Variants in RAB6A observed in about 807,000 individuals in gnomAD.
The protein encoded by RAB6A is ras-related protein Rab-6A.
Under a neutral mutation model 32.3 loss-of-function variants are expected in RAB6A, and 8 were observed. That is an observed-to-expected ratio of 0.25 (90% CI 0.15 to 0.45). The LOEUF (loss-of-function observed/expected upper bound fraction) is 0.45. RAB6A is among the 20% of genes least tolerant of loss of function. The pLI is 1.00. For synonymous variants in RAB6A, 73 were observed against 82.1 expected (o/e 0.89, Z 0.60); for missense variants, 104 against 249.4 (o/e 0.42, Z 3.93).
chr11:73,724,492 T>G (rs529111910), intron 2 of RAB6A, among the ~76,000 whole-genome samples: 17 of 149,974 alleles, frequency 1.1e-4, no homozygotes, highest in Admixed American at 6.0e-4. Flanking sequence ...TCGTTTTTTT[T>G]TTTTTTTTTT....
rs1246846148 is a variant in RAB6A, at chr11:73,704,326, TGA to T, written c.495+3092_495+3093del. 4 of 255,464 alleles carry T rather than the reference TGA, an allele frequency of 1.6e-5. No homozygotes were observed. The Admixed American group carries it at 1.6e-4, about 10-fold the overall frequency. The allele number at this position is 255,464 out of a possible 1,614,324, so 15.8% of individuals were successfully genotyped here. On this transcript the variant is annotated intron_variant, in intron 6 of 7. Coordinates refer to ENST00000336083, the MANE Select transcript of RAB6A (RefSeq NM_198896.2). ...TGAGCCTGAGAGGTCAAGGCTGCAA[TGA>T]GCTGTGATCATGCCACTGCACTCCA...
chr11:73,750,351 T>C (rs1946654416), intron 1 of RAB6A, among the ~76,000 whole-genome samples: 1 of 151,812 alleles, frequency 6.6e-6, no homozygotes, highest in Non-Finnish European at 1.5e-5. Flanking sequence ...TCCTTCCCTT[T>C]TTTTTTTTTT....
At chr11:73,759,815 T>C (rs968382733) in intron 1 of RAB6A, among the ~76,000 whole-genome samples, 6 of 152,126 alleles carry the variant, frequency 3.9e-5, no homozygotes, top group African/African-American at 1.4e-4. Context: ...ATCATCAACA[T>C]TGCCAAAAGA....
intron 1 of RAB6A, among the ~76,000 whole-genome samples, chr11:73,749,226 T>G (rs1353754270): frequency 6.6e-6 from 1 of 151,696 alleles, no homozygotes; most frequent in South Asian, 2.1e-4. Context: ...TTGGACGGAG[T>G]TGGAGACCAT....
chr11:73,685,740 C>A (rs1945442206), intron 6 of RAB6A, among the ~76,000 whole-genome samples: 1 of 149,376 alleles, frequency 6.7e-6, no homozygotes, highest in South Asian at 2.1e-4. Context: ...AAAAAAATAG[C>A]CAGGTGTGGT....
At chr11:73,717,809 T>C (rs559328591) in intron 4 of RAB6A, among the ~76,000 whole-genome samples, 1 of 152,316 alleles carries the variant, frequency 6.6e-6, no homozygotes, top group African/African-American at 2.4e-5. Context: ...AAGACCCTGG[T>C]TTTCCTATAA....
chr11:73,732,922 C>T (rs1468300978), intron 1 of RAB6A, among the ~76,000 whole-genome samples: 1 of 151,956 alleles, frequency 6.6e-6, no homozygotes, highest in Non-Finnish European at 1.5e-5. Context: ...AAGCAATTCT[C>T]CTGTCTCAGC....
intron 1 of RAB6A, among the ~76,000 whole-genome samples, chr11:73,739,304 T>TATATATATATATATATAAAA (rs375733945): frequency 3.1e-5 from 1 of 31,860 alleles, no homozygotes; most frequent in Non-Finnish European, 7.4e-5. Context: ...TATATATATA[T>TATATATATATATATATAAAA]AAATACTGGA....
At chr11:73,692,122 C>T (rs1243162438) in intron 6 of RAB6A, among the ~76,000 whole-genome samples, 2 of 152,150 alleles carry the variant, frequency 1.3e-5, no homozygotes, top group East Asian at 3.8e-4. Flanking sequence ...CCAACACAGA[C>T]TTCAGAGAGC....
At chr11:73,748,392 A>G (rs139426592) in intron 1 of RAB6A, among the ~76,000 whole-genome samples, 27 of 152,342 alleles carry the variant, frequency 1.8e-4, no homozygotes, top group African/African-American at 5.8e-4. Flanking sequence ...CAAAATAGTT[A>G]CAATACGACG....
intron 6 of RAB6A, among the ~76,000 whole-genome samples, chr11:73,700,996 G>T (rs1434827144): frequency 6.6e-6 from 1 of 152,136 alleles, no homozygotes; most frequent in Non-Finnish European, 1.5e-5. Flanking sequence ...GATAATAAAT[G>T]ATGTAAAAGC....
intron 4 of RAB6A, among the ~76,000 whole-genome samples, chr11:73,716,905 A>G (rs1447785227): frequency 3.3e-5 from 5 of 152,234 alleles, no homozygotes; most frequent in Non-Finnish European, 5.9e-5. Context: ...TTGTAACAAA[A>G]TTTATCTTTT....
intron 1 of RAB6A, among the ~76,000 whole-genome samples, chr11:73,756,257 G>A (rs1382978206): frequency 6.6e-6 from 1 of 152,186 alleles, no homozygotes; most frequent in Non-Finnish European, 1.5e-5. Flanking sequence ...GGGAGGCTGA[G>A]GTGGGAGGAT....
chr11:73,725,023 G>C (rs953816674), intron 2 of RAB6A, among the ~76,000 whole-genome samples: 1 of 152,172 alleles, frequency 6.6e-6, no homozygotes, highest in Non-Finnish European at 1.5e-5. Flanking sequence ...ATAAGCTTTA[G>C]CACAGTTAGG....
chr11:73,714,960 C>T (rs1381712994), intron 5 of RAB6A, among the ~76,000 whole-genome samples: 1 of 151,880 alleles, frequency 6.6e-6, no homozygotes, highest in African/African-American at 2.4e-5. Flanking sequence ...AATGAGACTC[C>T]ATCCCAAAAA....
Position 73,738,206 on chromosome 11 carries a change from C to T in RAB6A, c.71-7383G>A, listed in dbSNP as rs562777312. Reference sequence around the variant, plus strand: ...TATTTTTAATAGAGACAAGGTCTCACTAAGTTGCCCAAGCTGGTTTTGAAC... The same window carrying T: ...TATTTTTAATAGAGACAAGGTCTCATTAAGTTGCCCAAGCTGGTTTTGAAC... On this transcript the variant is annotated intron_variant, in intron 1 of 7. Coordinates refer to ENST00000336083, the MANE Select transcript of RAB6A (RefSeq NM_198896.2). Among the ~76,000 whole-genome samples the T allele has an allele frequency of 2.6e-5, 4 of 152,144 alleles. No homozygotes were observed. In the South Asian group the frequency reaches 8.3e-4, roughly 32 times the overall value.
At chr11:73,695,466 G>A (rs1945642130) in intron 6 of RAB6A, among the ~76,000 whole-genome samples, 1 of 151,528 alleles carries the variant, frequency 6.6e-6, no homozygotes, top group African/African-American at 2.4e-5. Context: ...TGCAACCTCT[G>A]CCTCCCGGGT....
At chr11:73,739,397 C>T (rs1202584809) in intron 1 of RAB6A, among the ~76,000 whole-genome samples, 1 of 147,256 alleles carries the variant, frequency 6.8e-6, no homozygotes, top group Non-Finnish European at 1.5e-5. Flanking sequence ...GTCTCGAACT[C>T]CTGGGCTCAA....
At chr11:73,723,773 T>C (rs933518503) in intron 2 of RAB6A, among the ~76,000 whole-genome samples, 21 of 151,984 alleles carry the variant, frequency 1.4e-4, no homozygotes, top group African/African-American at 4.1e-4. Context: ...TTAAGTAAAA[T>C]AGTATATTAG....
Sources: allele counts gnomAD v4.1 joint callset (sites outside exome capture counted in the v4.1 genomes callset), GRCh38; gene constraint gnomAD v4.1.1; transcripts MANE v1.5; gene names NCBI Gene and HGNC (gene_info 2026-07-23, HGNC 2026-07-21).